FBN2: variants seen among roughly 807,000 people sequenced by gnomAD.
The protein encoded by FBN2 is fibrillin 2.
Under a neutral mutation model 355.6 loss-of-function variants are expected in FBN2, and 105 were observed. The observed-to-expected ratio is 0.30, with a 90% CI of 0.25 to 0.35. The LOEUF (loss-of-function observed/expected upper bound fraction) is 0.35, where lower values mean the gene tolerates loss of function less well. FBN2 is among the 10% of genes least tolerant of loss of function. The pLI is 1.00. For missense variants in FBN2, 3,280 were observed against 3,758.7 expected (o/e 0.87, Z 3.33); for synonymous variants, 1,350 against 1,301.2 (o/e 1.04, Z -0.81).
chr5:128,474,028 G>C (rs952364461), intron 5 of FBN2, among the ~76,000 whole-genome samples: 73 of 152,276 alleles, frequency 4.8e-4, no homozygotes, highest in African/African-American at 1.7e-3. Context: ...GAATGAAGAG[G>C]CCGTAACGAT....
chr5:128,298,171 C>G lies in FBN2; in HGVS notation c.6166+2646G>C, dbSNP rs544762590. Among the ~76,000 whole-genome samples the G allele has an allele frequency of 7.9e-5, 12 of 152,032 alleles. 1 individual carries two copies. The highest frequency in any genetic ancestry group is 7.9e-4 in the Admixed American group (12 of 15,282). ...AGAATGTTGAATATTGGCCGCCACT[C>G]TCTTCTGGCTTGTAGAGTTTCTGCC... On this transcript the variant is annotated intron_variant, in intron 48 of 64. Transcript: ENST00000262464.
chr5:128,470,879 G>C (rs535440118), intron 5 of FBN2, among the ~76,000 whole-genome samples: 86 of 152,250 alleles, frequency 5.6e-4, no homozygotes, highest in Non-Finnish European at 8.4e-4. Flanking sequence ...ATACTTTAAT[G>C]TAAATGTCAT....
chr5:128,434,424 A>ATATATATATATATATATATATG lies in FBN2; in HGVS notation c.952+12056_952+12057insCATATATATATATATATATATA, dbSNP rs1168426536. Among the ~76,000 whole-genome samples the ATATATATATATATATATATATG allele has an allele frequency of 5.0e-3, 650 of 130,282 alleles. 21 individuals carry two copies. Among genetic ancestry groups the ATATATATATATATATATATATG allele is most frequent in the African/African-American group, 0.011 (357 of 31,082 alleles). 85.5% of individuals were successfully genotyped at this position (130,282 alleles called of 152,430 possible). ...TATATATATATATATATATATATAT[A>ATATATATATATATATATATATG]TGGGCAGTAAGTGACAGCACTGGCG... On this transcript the variant is annotated intron_variant, in intron 7 of 64. Coordinates refer to ENST00000262464, the MANE Select transcript of FBN2 (RefSeq NM_001999.4).
At chr5:128,449,946 T>C (rs1754193786) in intron 6 of FBN2, among the ~76,000 whole-genome samples, 2 of 152,098 alleles carry the variant, frequency 1.3e-5, no homozygotes, top group Admixed American at 6.5e-5. Flanking sequence ...AAATGGACAT[T>C]GCATAATGAC....
At chr5:128,401,705 C>T (rs546493084) in intron 8 of FBN2, among the ~76,000 whole-genome samples, 5 of 152,176 alleles carry the variant, frequency 3.3e-5, no homozygotes, top group South Asian at 4.2e-4. Context: ...CACTTGAACC[C>T]GGGAGGTGGA....
intron 6 of FBN2, among the ~76,000 whole-genome samples, chr5:128,448,866 C>A (rs1378268098): frequency 6.6e-6 from 1 of 151,956 alleles, no homozygotes. Flanking sequence ...TTTAAAATTT[C>A]AGTTTTAGAC....
intron 4 of FBN2, among the ~76,000 whole-genome samples, chr5:128,519,930 G>A (rs1054070015): frequency 3.3e-5 from 5 of 151,938 alleles, no homozygotes; most frequent in African/African-American, 1.2e-4. Flanking sequence ...CAAAGAAAAG[G>A]GGGGAAAATA....
At chr5:128,394,995 A>T in intron 9 of FBN2, 127 bp downstream of exon 9, 1 of 1,028,640 alleles carries the variant, frequency 9.7e-7, no homozygotes, top group Non-Finnish European at 1.5e-6. Context: ...CATGTTGCCC[A>T]GGCTGGTTTT....
At chr5:128,394,520 C>T (rs77696243) in intron 9 of FBN2, among the ~76,000 whole-genome samples, 16,352 of 152,076 alleles carry the variant, frequency 0.11, 1,036 homozygotes, top group African/African-American at 0.17. Context: ...GAGTTTTCTT[C>T]CTCATAGATA....
chr5:128,446,701 A>G, intron 6 of FBN2, 95 bp from the exon 7 acceptor site: 1 of 1,365,020 alleles, frequency 7.3e-7, no homozygotes, highest in Non-Finnish European at 1.0e-6. Context: ...ACATTCTTCT[A>G]AGAAACTCAG....
At chr5:128,422,549 T>C (rs766561192) in intron 7 of FBN2, among the ~76,000 whole-genome samples, 2 of 152,054 alleles carry the variant, frequency 1.3e-5, no homozygotes, top group Admixed American at 6.6e-5. Flanking sequence ...AGATCCCAAC[T>C]AGAAAATGAA....
At chr5:128,490,233 C>G (rs1755464182) in intron 5 of FBN2, among the ~76,000 whole-genome samples, 1 of 152,102 alleles carries the variant, frequency 6.6e-6, no homozygotes, top group South Asian at 2.1e-4. Flanking sequence ...ATACCCAGAT[C>G]AAGTATTAAA....
At chr5:128,373,672 A>G (rs1282999783) in intron 15 of FBN2, among the ~76,000 whole-genome samples, 1 of 152,144 alleles carries the variant, frequency 6.6e-6, no homozygotes, top group Non-Finnish European at 1.5e-5. Context: ...TGGAGAGAAA[A>G]CTGCATTAAA....
rs1264068007 is a variant in FBN2 at position 128,311,430 on chromosome 5, A to G, written c.4949-5T>C. The G allele has an allele frequency of 6.8e-6, 11 of 1,613,640 alleles. No individual in the cohort carries two copies. The highest frequency in any genetic ancestry group is 2.2e-5 in the East Asian group (1 of 44,888). ...ACTCCTGGCATTCGTCAATGTCTAC[A>G]AAAAGGGAGACAGTGCACTTAAAAC... is the stretch of plus-strand genomic sequence containing the variant. On this transcript the variant is annotated splice_region_variant and splice_polypyrimidine_tract_variant and intron_variant, in intron 38 of 64. Transcript: ENST00000262464.
chr5:128,530,765 G>A, intron 2 of FBN2, 72 bp from the exon 3 acceptor site: 1 of 1,009,368 alleles, frequency 9.9e-7, no homozygotes, highest in Non-Finnish European at 1.5e-6. Context: ...CAAGAAAGCT[G>A]TATTTAAAAA....
intron 9 of FBN2, among the ~76,000 whole-genome samples, chr5:128,393,713 T>C (rs184833543): frequency 2.4e-4 from 37 of 152,376 alleles, no homozygotes; most frequent in Non-Finnish European, 5.0e-4. Flanking sequence ...TAAAGCTTTA[T>C]GCTAATTCAT....
intron 61 of FBN2, among the ~76,000 whole-genome samples, chr5:128,272,851 C>T (rs1037220374): frequency 1.4e-4 from 21 of 152,098 alleles, no homozygotes; most frequent in Middle Eastern, 3.4e-3. Flanking sequence ...GGGATGGTCA[C>T]GAGCTGAACT....
Position 128,276,119 on chromosome 5 carries a change from T to C in FBN2, c.7513A>G (p.Ile2505Val). The C allele has an allele frequency of 6.2e-7, 1 of 1,613,736 alleles. No homozygotes were observed. Among genetic ancestry groups the C allele is most frequent in the Non-Finnish European group, 8.5e-7 (1 of 1,179,704 alleles). The change falls in exon 59 of 65, where the codon ATC (isoleucine) becomes GTC (valine). Residue 2505 changes from isoleucine (I) to valine (V), a missense_variant. By Grantham distance (29) the Ile-to-Val change is conservative. Transcript: ENST00000262464. Reference sequence around the variant, plus strand: ...TAACTCCCCTCAGTGTTCTTGCAGATGTAGTTGCATGGTTTCGGGGACTGG... The same window carrying C: ...TAACTCCCCTCAGTGTTCTTGCAGACGTAGTTGCATGGTTTCGGGGACTGG... ...CSQSPKPCNYICKNTEGSYQC... is the reference protein window; with the variant it reads ...CSQSPKPCNYVCKNTEGSYQC...
At chr5:128,381,398 A>T (rs1752232544) in intron 11 of FBN2, among the ~76,000 whole-genome samples, 1 of 152,094 alleles carries the variant, frequency 6.6e-6, no homozygotes, top group African/African-American at 2.4e-5. Flanking sequence ...GGTATCTCAT[A>T]AAAGTTCCCA....
Sources: allele counts gnomAD v4.1 joint callset (sites outside exome capture counted in the v4.1 genomes callset), GRCh38; gene constraint gnomAD v4.1.1; transcripts MANE v1.5; gene names NCBI Gene and HGNC (gene_info 2026-07-23, HGNC 2026-07-21).